The following MOCOS variants were observed in gnomAD, a reference collection of about 807,000 sequenced individuals.
The protein encoded by MOCOS is human molybdenum cofactor sulfurase.
MOCOS carries 86 observed loss-of-function variants against 83.6 expected under a neutral mutation model. That is an observed-to-expected ratio of 1.03 (90% CI 0.86 to 1.23). MOCOS has a LOEUF of 1.23. Among genes scored for constraint, MOCOS ranks in the 50% most tolerant of loss-of-function variants. The pLI, the probability that MOCOS is intolerant of heterozygous loss-of-function variation, is 0.00. For missense variants in MOCOS, 1,120 were observed against 1,126.9 expected (o/e 0.99, Z 0.09); for synonymous variants, 445 against 434.7 (o/e 1.02, Z -0.29).
chr18:36,230,869 C>T (rs2091535237), intron 9 of MOCOS, among the ~76,000 whole-genome samples: 1 of 152,178 alleles, frequency 6.6e-6, no homozygotes, highest in Non-Finnish European at 1.5e-5. Flanking sequence ...CAATTAGGTT[C>T]TGATTTCCAT....
intron 9 of MOCOS, among the ~76,000 whole-genome samples, chr18:36,224,990 A>G (rs11661014): frequency 0.46 from 69,489 of 151,976 alleles, 16,126 homozygotes; most frequent in South Asian, 0.59. Flanking sequence ...TTCGATAGAT[A>G]GTATGTTTCT....
In MOCOS at chr18:36,200,249, A is replaced by G. The variant is rs768985953; in HGVS notation, c.866A>G (p.Tyr289Cys). The stretch of plus-strand genomic sequence containing the variant: ...GCGGCTCCTCTACTGAGGAAGACCT[A>G]CTTTGGAGGAGGGACAGCCTCTGCG... ...NRAAPLLRKTYFGGGTASAYL... is the reference protein window; with the variant it reads ...NRAAPLLRKTCFGGGTASAYL... Residue 289 changes from tyrosine to cysteine, a missense_variant, in exon 4 of 15, where the codon TAC becomes TGC. Tyr to Cys is a radical substitution (Grantham distance 194). Coordinates refer to ENST00000261326, the MANE Select transcript of MOCOS (RefSeq NM_017947.4). 1.1e-5 allele frequency: 17 copies of G among 1,614,160 alleles called. No individual in the cohort carries two copies. The South Asian group carries it at 1.4e-4, about 14-fold the overall frequency.
chr18:36,242,667 A>G (rs1385595772), intron 9 of MOCOS, among the ~76,000 whole-genome samples: 1 of 152,228 alleles, frequency 6.6e-6, no homozygotes, highest in Non-Finnish European at 1.5e-5. Flanking sequence ...GCCTCAAGAA[A>G]CTTACAATCA....
chr18:36,188,916 T>TTC (rs34349712), intron 1 of MOCOS, among the ~76,000 whole-genome samples: 17 of 147,816 alleles, frequency 1.2e-4, no homozygotes, highest in East Asian at 6.1e-4. Context: ...TTCTTTCGTA[T>TTC]TCTCTCTCTC....
chr18:36,258,094 G>C (rs773301001), intron 12 of MOCOS, among the ~76,000 whole-genome samples: 17 of 152,106 alleles, frequency 1.1e-4, no homozygotes, highest in Non-Finnish European at 2.2e-4. Flanking sequence ...TTCTCCTCAG[G>C]CATCCAGAGT....
chr18:36,252,009 C>T (rs2091623993), intron 11 of MOCOS, among the ~76,000 whole-genome samples: 2 of 152,102 alleles, frequency 1.3e-5, no homozygotes, highest in Non-Finnish European at 2.9e-5. Context: ...ATTTTGCTCA[C>T]TTATTTTGTT....
Position 36,205,089 on chromosome 18 carries a change from A to G in MOCOS, c.1031A>G (p.Asn344Ser), listed in dbSNP as rs1397228090. ...TLERLTGGMENIKQHTFTLAQ... is the reference protein window; with the variant it reads ...TLERLTGGMESIKQHTFTLAQ... Reference sequence around the variant, plus strand: ...TGATTGATTTGAGGTGGAATGGAGAATATAAAGCAGCACACCTTCACCTTG... The same window carrying G: ...TGATTGATTTGAGGTGGAATGGAGAGTATAAAGCAGCACACCTTCACCTTG... Residue 344 changes from asparagine (N) to serine (S), a missense_variant, in exon 6 of 15, where the codon AAT (asparagine) becomes AGT (serine). By Grantham distance (46) the Asn-to-Ser change is conservative. Coordinates refer to ENST00000261326, the MANE Select transcript of MOCOS (RefSeq NM_017947.4). The G allele has an allele frequency of 6.2e-7, 1 of 1,610,798 alleles. No individual in the cohort carries two copies. The highest frequency in any genetic ancestry group is 8.5e-7 in the Non-Finnish European group (1 of 1,177,900).
At chr18:36,202,738 T>C (rs1029820309) in intron 4 of MOCOS, among the ~76,000 whole-genome samples, 13 of 152,170 alleles carry the variant, frequency 8.5e-5, no homozygotes, top group African/African-American at 1.2e-4. Context: ...CAGTTCTGCA[T>C]TGCTGGAGAG....
intron 13 of MOCOS, among the ~76,000 whole-genome samples, chr18:36,264,159 A>T (rs986274565): frequency 6.6e-6 from 1 of 152,174 alleles, no homozygotes; most frequent in Non-Finnish European, 1.5e-5. Context: ...AGTCTGGGTG[A>T]TAAGAGTGAA....
intron 9 of MOCOS, among the ~76,000 whole-genome samples, chr18:36,223,639 C>A (rs568075232): frequency 1.3e-5 from 2 of 152,068 alleles, no homozygotes; most frequent in Non-Finnish European, 2.9e-5. Context: ...AATGCCATTG[C>A]GATTTTGATA....
In MOCOS at chr18:36,268,663, A is replaced by G; in HGVS notation, c.2645A>G (p.Lys882Arg). ...VEGHDLPASE[K>R]HQDVTS The stretch of plus-strand genomic sequence containing the variant: ...GGTCATGATTTACCTGCATCTGAGA[A>G]ACACCAGGATGTTACCTCCTAAAAA... The change falls in exon 15 of 15, where the codon AAA becomes AGA. Residue 882 changes from lysine (K) to arginine (R), a missense_variant. Physicochemically the swap from Lys to Arg is conservative, Grantham distance 26 (BLOSUM62 2). Coordinates refer to ENST00000261326, the MANE Select transcript of MOCOS (RefSeq NM_017947.4). 1 of 1,612,536 alleles carries G rather than the reference A, an allele frequency of 6.2e-7. No homozygotes were observed. Among genetic ancestry groups the G allele is most frequent in the Non-Finnish European group, 8.5e-7 (1 of 1,179,838 alleles).
chr18:36,187,518 C>CCTG lies in MOCOS; in HGVS notation c.-21_-19dup. 1 of 1,230,426 alleles carries CCTG rather than the reference C, an allele frequency of 8.1e-7. No individual in the cohort carries two copies. The highest frequency in any genetic ancestry group is 1.0e-6 in the Non-Finnish European group (1 of 986,380). The allele number at this position is 1,230,426 out of a possible 1,614,324, so 76.2% of individuals were successfully genotyped here. Reference sequence around the variant, plus strand: ...TCGCGCACTTCCCGGGCCCGGCCGGCCTGGATGGACTAGCCGGGGCCATGG... The same window carrying CCTG: ...TCGCGCACTTCCCGGGCCCGGCCGGCCTGCTGGATGGACTAGCCGGGGCCATGG... On this transcript the variant is annotated 5_prime_UTR_variant, in exon 1 of 15. Coordinates refer to ENST00000261326, the MANE Select transcript of MOCOS (RefSeq NM_017947.4).
In MOCOS at chr18:36,221,436, G is replaced by A. The variant is rs115142943; in HGVS notation, c.1960+1219G>A. Among the ~76,000 whole-genome samples the A allele has an allele frequency of 4.4e-3, 668 of 152,030 alleles. 4 individuals are homozygous for A. Among genetic ancestry groups the A allele is most frequent in the African/African-American group, 0.015 (640 of 41,466 alleles). ...ACATAAAACATTACATAGCAGTTGT[G>A]GTGCTGGGTTAAAAAAAGGTAAAAG... On this transcript the variant is annotated intron_variant, in intron 9 of 14. Transcript: ENST00000261326.
chr18:36,219,705 T>TA (rs977617465), intron 8 of MOCOS, among the ~76,000 whole-genome samples: 17 of 151,650 alleles, frequency 1.1e-4, no homozygotes, highest in African/African-American at 4.1e-4. Flanking sequence ...ACAAACAAAT[T>TA]AAAAAACAGC....
intron 6 of MOCOS, among the ~76,000 whole-genome samples, chr18:36,207,171 G>A (rs2091437913): frequency 1.3e-5 from 2 of 152,108 alleles, no homozygotes; most frequent in Admixed American, 6.6e-5. Context: ...CAAGTAGTTG[G>A]AATTACAGAT....
intron 5 of MOCOS, 87 bp from the exon 6 acceptor site, chr18:36,204,990 G>A (rs1429876152): frequency 3.9e-5 from 19 of 492,714 alleles, no homozygotes; most frequent in African/African-American, 1.3e-4. Flanking sequence ...GAGTGAGACC[G>A]TGTCTCAAAA....
chr18:36,215,383 A>G (rs1383682177), intron 7 of MOCOS, 133 bp from the exon 8 acceptor site: 1 of 844,400 alleles, frequency 1.2e-6, no homozygotes, highest in Non-Finnish European at 1.9e-6. Context: ...CCAGACGCAC[A>G]GCACATATTA....
chr18:36,242,745 G>A (rs2144130289), intron 9 of MOCOS, among the ~76,000 whole-genome samples: 1 of 152,274 alleles, frequency 6.6e-6, no homozygotes, highest in Non-Finnish European at 1.5e-5. Flanking sequence ...GGGGTAGGAG[G>A]AACTTCCAAA....
At chr18:36,196,238 G>A (rs556521993) in intron 2 of MOCOS, among the ~76,000 whole-genome samples, 1 of 152,372 alleles carries the variant, frequency 6.6e-6, no homozygotes, top group Non-Finnish European at 1.5e-5. Context: ...TGAAATCATA[G>A]TGGCAGTAGC....
Sources: allele counts gnomAD v4.1 joint callset (sites outside exome capture counted in the v4.1 genomes callset), GRCh38; gene constraint gnomAD v4.1.1; transcripts MANE v1.5; gene names NCBI Gene and HGNC (gene_info 2026-07-23, HGNC 2026-07-21).